Variants in SHISA9 observed in about 807,000 individuals in gnomAD.
SHISA9 encodes the protein shisa family member 9.
In SHISA9, 13 loss-of-function variants were observed where a neutral mutation model predicts 38.0. The ratio of observed to expected loss-of-function variants is 0.34; its 90% CI spans 0.22 to 0.54. The LOEUF is 0.54. Ranked by LOEUF, SHISA9 falls within the 20% of genes least tolerant of loss-of-function variation. The pLI, the probability that SHISA9 is intolerant of heterozygous loss-of-function variation, is 0.91. For missense variants in SHISA9, 538 were observed against 575.8 expected (o/e 0.93, Z 0.67); for synonymous variants, 275 against 242.0 (o/e 1.14, Z -1.27).
chr16:13,542,810 C>A, the SHISA9 span, among the ~76,000 whole-genome samples: 20 of 152,294 alleles, frequency 1.3e-4, no homozygotes, highest in Admixed American at 3.9e-4. Context: ...GGTATTCCAC[C>A]ATCAGGGATG....
chr16:12,938,085 T>G (rs1441109608), intron 2 of SHISA9, among the ~76,000 whole-genome samples: 1 of 152,188 alleles, frequency 6.6e-6, no homozygotes, highest in Non-Finnish European at 1.5e-5. Flanking sequence ...ACTTGTAGAA[T>G]GGATTGTGAT....
At chr16:13,392,704 C>T in the SHISA9 span, among the ~76,000 whole-genome samples, 1,650 of 152,244 alleles carry the variant, frequency 0.011, 43 homozygotes, top group African/African-American at 0.039. Context: ...GTGGAGGCTG[C>T]GATATGACTG....
chr16:13,354,151 A>C, the SHISA9 span, among the ~76,000 whole-genome samples: 1 of 149,420 alleles, frequency 6.7e-6, no homozygotes, highest in African/African-American at 2.5e-5. Context: ...GGGCCTGAAG[A>C]ATCCCTGAGG....
the SHISA9 span, among the ~76,000 whole-genome samples, chr16:13,270,135 A>C: frequency 6.6e-6 from 1 of 152,184 alleles, no homozygotes; most frequent in Admixed American, 6.5e-5. Flanking sequence ...ACTCCAACAG[A>C]ATCCAACTGT....
At chr16:13,420,046 G>C in the SHISA9 span, among the ~76,000 whole-genome samples, 11 of 152,128 alleles carry the variant, frequency 7.2e-5, no homozygotes, top group African/African-American at 2.7e-4. Context: ...AGTAGTTCAA[G>C]ACCAGGCTGG....
At chr16:13,538,833 A>AC in the SHISA9 span, among the ~76,000 whole-genome samples, 1 of 152,348 alleles carries the variant, frequency 6.6e-6, no homozygotes, top group South Asian at 2.1e-4. Flanking sequence ...CTTCAGTTCC[A>AC]AGAATGGCAA....
chr16:13,276,264 A>G, the SHISA9 span, among the ~76,000 whole-genome samples: 2 of 151,446 alleles, frequency 1.3e-5, no homozygotes, highest in African/African-American at 2.4e-5. Flanking sequence ...TTATTGCTGC[A>G]TAGTATTCCA....
At chr16:13,492,713 A>G in the SHISA9 span, among the ~76,000 whole-genome samples, 2 of 152,332 alleles carry the variant, frequency 1.3e-5, no homozygotes, top group East Asian at 3.9e-4. Flanking sequence ...GCTATCACAA[A>G]CAATACTTTG....
At chr16:13,468,434 T>C in the SHISA9 span, among the ~76,000 whole-genome samples, 724 of 152,346 alleles carry the variant, frequency 4.8e-3, 8 homozygotes, top group African/African-American at 0.017. Context: ...TAACCACAGA[T>C]ATAAATGTGA....
At position 13,011,743 on chromosome 16, in the gene SHISA9, G is replaced by A. The variant is rs191929938; in HGVS notation, c.691+94928G>A. ...TCACCGTATTAACCAGGATGGTGTC[G>A]ATCCCTTGACCTCGTGATCCGCCTG... On this transcript the variant is annotated intron_variant, in intron 2 of 4. Coordinates refer to ENST00000558583, the MANE Select transcript of SHISA9 (RefSeq NM_001145204.3). Among the ~76,000 whole-genome samples, 52 of 152,086 alleles carry A rather than the reference G, an allele frequency of 3.4e-4. 1 individual carries two copies. The highest frequency in any genetic ancestry group is 2.1e-3 in the Admixed American group (32 of 15,266).
Position 12,920,781 on chromosome 16 carries a change from G to C in SHISA9, c.691+3966G>C, listed in dbSNP as rs141565068. ...AATCAACGTGAGTACTTTCCTTTTA[G>C]CTAAACTGTAGACATGTTTGGATTT... is the stretch of plus-strand genomic sequence containing the variant. On this transcript the variant is annotated intron_variant, in intron 2 of 4. Transcript: ENST00000558583. Among the ~76,000 whole-genome samples, 3 of 152,296 alleles carry C rather than the reference G, an allele frequency of 2.0e-5. No individual in the cohort carries two copies. In the East Asian group the frequency reaches 5.8e-4, roughly 29 times the overall value.
At chr16:13,428,391 A>G in the SHISA9 span, among the ~76,000 whole-genome samples, 26 of 152,344 alleles carry the variant, frequency 1.7e-4, no homozygotes, top group Middle Eastern at 3.4e-3. Flanking sequence ...TGGATGACCA[A>G]AAAGCTGTCA....
chr16:13,140,705 T>C (rs1338922840), intron 2 of SHISA9, among the ~76,000 whole-genome samples: 1 of 152,174 alleles, frequency 6.6e-6, no homozygotes, highest in East Asian at 1.9e-4. Flanking sequence ...TCAATTACTG[T>C]GACAAGTGCA....
At chr16:12,974,568 C>T (rs571338307) in intron 2 of SHISA9, among the ~76,000 whole-genome samples, 47 of 146,166 alleles carry the variant, frequency 3.2e-4, no homozygotes, top group Non-Finnish European at 5.7e-4. Context: ...TCACTGCAAC[C>T]TCCAACCCCC....
chr16:13,036,851 C>T (rs895816061), intron 2 of SHISA9, among the ~76,000 whole-genome samples: 3 of 151,884 alleles, frequency 2.0e-5, no homozygotes, highest in South Asian at 2.1e-4. Flanking sequence ...CAACAGTAAG[C>T]GCTCACTCAA....
chr16:13,344,639 A>G, the SHISA9 span, among the ~76,000 whole-genome samples: 1 of 152,228 alleles, frequency 6.6e-6, no homozygotes, highest in Non-Finnish European at 1.5e-5. Flanking sequence ...TAATGACACA[A>G]TGGCCATATG....
chr16:13,217,505 C>T (rs1245010872), intron 4 of SHISA9, among the ~76,000 whole-genome samples: 4 of 152,202 alleles, frequency 2.6e-5, no homozygotes, highest in Non-Finnish European at 4.4e-5. Context: ...TGACTAGAAT[C>T]AGCCTGCGTC....
chr16:13,219,341 A>T (rs919299643), intron 4 of SHISA9, among the ~76,000 whole-genome samples: 4 of 152,212 alleles, frequency 2.6e-5, no homozygotes, highest in African/African-American at 9.6e-5. Flanking sequence ...GAAACTGGGC[A>T]TAGTGTTCAA....
chr16:12,902,361 C>A lies in SHISA9; in HGVS notation c.297C>A (p.Cys99Ter). 1 of 1,551,438 alleles carries A rather than the reference C, an allele frequency of 6.4e-7. No individual in the cohort carries two copies. The highest frequency in any genetic ancestry group is 2.0e-5 in the Admixed American group (1 of 51,002). The change falls in exon 1 of 5, where the codon TGC becomes TGA. Residue 99 changes from cysteine (C) to a stop codon, truncating the protein, a stop_gained. Transcript: ENST00000558583. LOFTEE classifies it high-confidence loss of function. ...GCTCGGGCGACTTCATCTTCTGCTG[C>A]GGGACTTGTGGCTTCCGGTTCTGCT... ...NCSSGDFIFC[C>*]GTCGFRFCCT...
Sources: allele counts gnomAD v4.1 joint callset (sites outside exome capture counted in the v4.1 genomes callset), GRCh38; gene constraint gnomAD v4.1.1; transcripts MANE v1.5; gene names NCBI Gene and HGNC (gene_info 2026-07-23, HGNC 2026-07-21).